The following STXBP5L variants were observed in gnomAD, a reference collection of about 807,000 sequenced individuals.
The protein encoded by STXBP5L is syntaxin binding protein 5L.
STXBP5L carries 65 observed loss-of-function variants against 144.5 expected under a neutral mutation model. The ratio of observed to expected loss-of-function variants is 0.45; its 90% CI spans 0.37 to 0.55. The LOEUF (loss-of-function observed/expected upper bound fraction) is 0.55, where lower values mean the gene tolerates loss of function less well. Among genes scored for constraint, STXBP5L ranks in the 20% least tolerant of loss-of-function variants. STXBP5L has a pLI of 0.00. For synonymous variants in STXBP5L, 505 were observed against 469.6 expected (o/e 1.08, Z -0.97); for missense variants, 1,298 against 1,405.5 (o/e 0.92, Z 1.22).
At chr3:121,159,266 C>A (rs1038713450) in intron 9 of STXBP5L, among the ~76,000 whole-genome samples, 8 of 151,630 alleles carry the variant, frequency 5.3e-5, no homozygotes, top group African/African-American at 1.9e-4. Context: ...TATTATAATT[C>A]TCCTTTGACC....
intron 3 of STXBP5L, among the ~76,000 whole-genome samples, chr3:121,016,132 A>ACT (rs1945132349): frequency 6.6e-6 from 1 of 152,130 alleles, no homozygotes; most frequent in South Asian, 2.1e-4. Context: ...TAACGTAAAT[A>ACT]CTCTAAAGGT....
In STXBP5L at chr3:120,951,234, T is replaced by C. The variant is rs568830730; in HGVS notation, c.190-3706T>C. Among the ~76,000 whole-genome samples, 355 of 152,242 alleles carry C rather than the reference T, an allele frequency of 2.3e-3. 2 individuals carry two copies. Among genetic ancestry groups the C allele is most frequent in the African/African-American group, 8.0e-3 (331 of 41,528 alleles). On this transcript the variant is annotated intron_variant, in intron 2 of 26. Coordinates refer to ENST00000471454, the MANE Select transcript of STXBP5L (RefSeq NM_001308330.2). ...AACCTAGGCATTACCATTCAGGACA[T>C]AGGCACGGGCAAGGACTTCATGTCT...
intron 7 of STXBP5L, among the ~76,000 whole-genome samples, chr3:121,144,391 A>G (rs541936646): frequency 6.6e-6 from 1 of 151,988 alleles, no homozygotes; most frequent in East Asian, 1.9e-4. Flanking sequence ...GCTTAATGTT[A>G]CTAATCATTA....
intron 3 of STXBP5L, among the ~76,000 whole-genome samples, chr3:120,993,885 G>T (rs1943129863): frequency 6.6e-6 from 1 of 151,784 alleles, no homozygotes; most frequent in African/African-American, 2.4e-5. Context: ...GATGGCTTTG[G>T]GTAGTATGGT....
chr3:120,942,761 C>G (rs548532720), intron 2 of STXBP5L, among the ~76,000 whole-genome samples: 1 of 151,222 alleles, frequency 6.6e-6, no homozygotes, highest in African/African-American at 2.4e-5. Flanking sequence ...GCTGAATTAG[C>G]TTGAATTTAT....
At chr3:121,197,660 C>T (rs983266841) in intron 9 of STXBP5L, among the ~76,000 whole-genome samples, 11 of 152,082 alleles carry the variant, frequency 7.2e-5, no homozygotes, top group Non-Finnish European at 1.5e-4. Context: ...CCCATCACCC[C>T]TACCCCACAG....
chr3:121,186,176 A>G (rs1249421621), intron 9 of STXBP5L, among the ~76,000 whole-genome samples: 1 of 152,314 alleles, frequency 6.6e-6, no homozygotes, highest in South Asian at 2.1e-4. Flanking sequence ...GAAGTTACCT[A>G]TCAGCTTAAG....
intron 9 of STXBP5L, among the ~76,000 whole-genome samples, chr3:121,162,979 TA>T (rs1469315782): frequency 2.6e-5 from 4 of 152,138 alleles, no homozygotes; most frequent in Non-Finnish European, 5.9e-5. Flanking sequence ...GGTGGGAGTG[TA>T]AATTAGTTCA....
chr3:121,211,578 C>CTTTT (rs1188424283), intron 10 of STXBP5L, among the ~76,000 whole-genome samples: 91 of 110,252 alleles, frequency 8.3e-4, no homozygotes, highest in Non-Finnish European at 1.1e-3. Flanking sequence ...TTTTTTCTTT[C>CTTTT]TTTTTTTTTT....
At chr3:121,207,726 G>GA (rs2108239286) in intron 10 of STXBP5L, among the ~76,000 whole-genome samples, 1 of 152,254 alleles carries the variant, frequency 6.6e-6, no homozygotes, top group East Asian at 1.9e-4. Context: ...ACAGACACAT[G>GA]AAAAAATGCT....
At chr3:121,010,722 C>T (rs1252982784) in intron 3 of STXBP5L, among the ~76,000 whole-genome samples, 2 of 151,732 alleles carry the variant, frequency 1.3e-5, no homozygotes, top group East Asian at 3.9e-4. Context: ...GTGTTGTATA[C>T]TGTATTCGTA....
chr3:121,199,353 G>A (rs1431436994), intron 9 of STXBP5L, among the ~76,000 whole-genome samples: 1 of 152,162 alleles, frequency 6.6e-6, no homozygotes. Context: ...CTCTGCTGAA[G>A]TTGCTTATCA....
At chr3:121,298,621 T>C (rs1245650837) in intron 19 of STXBP5L, among the ~76,000 whole-genome samples, 1 of 152,192 alleles carries the variant, frequency 6.6e-6, no homozygotes, top group Non-Finnish European at 1.5e-5. Context: ...ATGATGAGCC[T>C]TCAGGACATT....
chr3:120,986,284 G>A (rs1375087234), intron 3 of STXBP5L, among the ~76,000 whole-genome samples: 2 of 151,910 alleles, frequency 1.3e-5, no homozygotes, highest in African/African-American at 2.4e-5. Flanking sequence ...GAAATCTAGT[G>A]AGACTTAATT....
intron 9 of STXBP5L, among the ~76,000 whole-genome samples, chr3:121,173,323 T>TATTATAATA (rs1553725474): frequency 2.0e-5 from 3 of 146,524 alleles, no homozygotes; most frequent in Non-Finnish European, 4.5e-5. Context: ...GAACTTAAAA[T>TATTATAATA]ATAATAATAA....
At chr3:121,286,644 GA>G (rs1403357469) in intron 19 of STXBP5L, among the ~76,000 whole-genome samples, 2 of 152,140 alleles carry the variant, frequency 1.3e-5, no homozygotes, top group Non-Finnish European at 2.9e-5. Flanking sequence ...ATCCAACATG[GA>G]AACATTTAAG....
chr3:121,109,181 C>T (rs796975216), intron 5 of STXBP5L, among the ~76,000 whole-genome samples: 1 of 152,022 alleles, frequency 6.6e-6, no homozygotes, highest in African/African-American at 2.4e-5. Flanking sequence ...TTTCAAAAAA[C>T]CAGCTCCTGG....
intron 3 of STXBP5L, among the ~76,000 whole-genome samples, chr3:121,037,354 C>G (rs537741935): frequency 6.6e-6 from 1 of 151,156 alleles, no homozygotes; most frequent in African/African-American, 2.4e-5. Context: ...CTTAAGCAAT[C>G]TTCTTGCCTC....
At chr3:121,075,045 A>G (rs544108359) in intron 5 of STXBP5L, among the ~76,000 whole-genome samples, 2 of 152,118 alleles carry the variant, frequency 1.3e-5, no homozygotes, top group Non-Finnish European at 2.9e-5. Context: ...CATTGAGACC[A>G]TAGGCTCCTT....
Sources: allele counts gnomAD v4.1 joint callset (sites outside exome capture counted in the v4.1 genomes callset), GRCh38; gene constraint gnomAD v4.1.1; transcripts MANE v1.5; gene names NCBI Gene and HGNC (gene_info 2026-07-23, HGNC 2026-07-21).